Variants in SLC10A7 observed in about 807,000 individuals in gnomAD.
The protein encoded by SLC10A7 is solute carrier family 10 member 7, also known as sodium/bile acid cotransporter 7.
In SLC10A7, 29 loss-of-function variants were observed where a neutral mutation model predicts 43.2. The observed-to-expected ratio is 0.67, with a 90% CI of 0.50 to 0.92. SLC10A7 has a LOEUF of 0.92. Ranked by LOEUF, SLC10A7 falls within the 40% of genes least tolerant of loss-of-function variation. The pLI, the probability that SLC10A7 is intolerant of heterozygous loss-of-function variation, is 0.00. For missense variants in SLC10A7, 295 were observed against 403.2 expected (o/e 0.73, Z 2.30); for synonymous variants, 152 against 144.8 (o/e 1.05, Z -0.35).
chr4:146,279,595 A>T, intron 10 of SLC10A7, among the ~76,000 whole-genome samples: 1 of 152,196 alleles, frequency 6.6e-6, no homozygotes, highest in East Asian at 1.9e-4. Flanking sequence ...GTCTTGACAA[A>T]ATATAAAATT....
At chr4:146,288,857 A>G (rs577587163) in intron 9 of SLC10A7, among the ~76,000 whole-genome samples, 158 of 152,184 alleles carry the variant, frequency 1.0e-3, no homozygotes, top group Admixed American at 3.6e-3. Flanking sequence ...CTCTTGAGAT[A>G]TTTATTTCCT....
chr4:146,452,552 A>T (rs1182958567), intron 4 of SLC10A7, among the ~76,000 whole-genome samples: 1 of 152,114 alleles, frequency 6.6e-6, no homozygotes, highest in East Asian at 1.9e-4. Flanking sequence ...TTCAAAGCCA[A>T]TTATGATTGA....
intron 1 of SLC10A7, among the ~76,000 whole-genome samples, chr4:146,518,243 C>T (rs912621834): frequency 1.3e-5 from 2 of 152,106 alleles, no homozygotes; most frequent in Non-Finnish European, 2.9e-5. Flanking sequence ...CATTTTATAC[C>T]TATATAGCAG....
chr4:146,497,586 C>T (rs1354822788), intron 4 of SLC10A7, among the ~76,000 whole-genome samples: 2 of 152,136 alleles, frequency 1.3e-5, no homozygotes, highest in Admixed American at 6.5e-5. Context: ...AATGGCTTTT[C>T]GCTGAATTCT....
chr4:146,509,580 T>C (rs1283134081), intron 3 of SLC10A7, among the ~76,000 whole-genome samples: 2 of 152,180 alleles, frequency 1.3e-5, no homozygotes, highest in Non-Finnish European at 2.9e-5. Flanking sequence ...TACTCAGCTA[T>C]TATCTAATTA....
At chr4:146,462,564 T>C (rs779882758) in intron 4 of SLC10A7, among the ~76,000 whole-genome samples, 1 of 152,164 alleles carries the variant, frequency 6.6e-6, no homozygotes, top group Non-Finnish European at 1.5e-5. Flanking sequence ...CTAAGATATA[T>C]ATGAATATCA....
intron 4 of SLC10A7, among the ~76,000 whole-genome samples, chr4:146,501,762 C>T (rs979131558): frequency 2.6e-5 from 4 of 152,216 alleles, no homozygotes; most frequent in African/African-American, 4.8e-5. Context: ...CAAACCTGTT[C>T]TCACATAGCA....
At chr4:146,268,736 C>A (rs137866894) in intron 10 of SLC10A7, among the ~76,000 whole-genome samples, 1,623 of 152,222 alleles carry the variant, frequency 0.011, 11 homozygotes, top group Non-Finnish European at 0.014. Context: ...TTGCTCAAAG[C>A]CACACACAGC....
At chr4:146,360,781 C>T (rs966058233) in intron 5 of SLC10A7, among the ~76,000 whole-genome samples, 8 of 152,094 alleles carry the variant, frequency 5.3e-5, no homozygotes, top group Non-Finnish European at 1.0e-4. Flanking sequence ...AATCAAGTCA[C>T]TGAAGCTTGA....
At chr4:146,356,879 C>G (rs1469308493) in intron 5 of SLC10A7, among the ~76,000 whole-genome samples, 1 of 152,118 alleles carries the variant, frequency 6.6e-6, no homozygotes, top group Non-Finnish European at 1.5e-5. Flanking sequence ...AACTCTAGTC[C>G]TATGCTTAAT....
In SLC10A7 at chr4:146,408,275, C is replaced by T. The variant is rs550787118; in HGVS notation, c.435+34508G>A. On this transcript the variant is annotated intron_variant, in intron 5 of 11. Transcript: ENST00000335472. The stretch of plus-strand genomic sequence containing the variant: ...TAAAAGACCAACAGCTAGCCAGGCA[C>T]GGTGGCTCACAGCTATGATCTTAGC... Among the ~76,000 whole-genome samples the T allele has an allele frequency of 3.9e-5, 6 of 152,162 alleles. No individual in the cohort carries two copies. In the South Asian group the frequency reaches 1.0e-3, roughly 26 times the overall value.
intron 5 of SLC10A7, among the ~76,000 whole-genome samples, chr4:146,352,957 T>C (rs1284018638): frequency 7.0e-6 from 1 of 142,746 alleles, no homozygotes; most frequent in Non-Finnish European, 1.5e-5. Flanking sequence ...ATTGACACCC[T>C]AACATCACAA....
At chr4:146,509,532 T>A (rs1737257201) in intron 3 of SLC10A7, among the ~76,000 whole-genome samples, 1 of 152,240 alleles carries the variant, frequency 6.6e-6, no homozygotes, top group Non-Finnish European at 1.5e-5. Context: ...CACATATATG[T>A]ATGTTTTCTT....
chr4:146,514,528 C>T (rs1464989381), intron 2 of SLC10A7: 1 of 152,150 alleles, frequency 6.6e-6, no homozygotes, highest in Non-Finnish European at 1.5e-5. Context: ...AGCACAGTGT[C>T]CTTTATAATT....
chr4:146,382,255 G>A (rs1737680160), intron 5 of SLC10A7, among the ~76,000 whole-genome samples: 2 of 152,084 alleles, frequency 1.3e-5, no homozygotes, highest in Non-Finnish European at 2.9e-5. Flanking sequence ...TTTAATAATT[G>A]CTTATTCTCC....
At chr4:146,279,343 A>G (rs1729400177) in intron 10 of SLC10A7, among the ~76,000 whole-genome samples, 1 of 152,220 alleles carries the variant, frequency 6.6e-6, no homozygotes, top group Admixed American at 6.6e-5. Context: ...AATACTCAAG[A>G]GAAAAAGATA....
chr4:146,521,117 C>T (rs1039452939), intron 1 of SLC10A7, among the ~76,000 whole-genome samples: 15 of 151,998 alleles, frequency 9.9e-5, no homozygotes, highest in African/African-American at 3.4e-4. Flanking sequence ...TTCTGGAGCA[C>T]CAGCAACTAC....
chr4:146,423,140 A>T (rs1486630019), intron 5 of SLC10A7, among the ~76,000 whole-genome samples: 1 of 152,198 alleles, frequency 6.6e-6, no homozygotes, highest in Non-Finnish European at 1.5e-5. Flanking sequence ...AGCAAAAATT[A>T]TATACATATT....
At position 146,254,907 on chromosome 4, in the gene SLC10A7, T is replaced by A. The variant is rs950948528; in HGVS notation, c.*1584A>T. ...GCATAGATTTTTGCAGGATCTGGCA[T>A]TAGCCTTAAAATTCACACTGAGAAT... On this transcript the variant is annotated 3_prime_UTR_variant, in exon 12 of 12. Coordinates refer to ENST00000335472, the MANE Select transcript of SLC10A7 (RefSeq NM_001029998.6). 1.3e-5 allele frequency: 2 copies of A among 152,238 alleles called. No homozygotes were observed. The highest frequency in any genetic ancestry group is 4.8e-5 in the African/African-American group (2 of 41,460). 9.4% of individuals were successfully genotyped at this position (152,238 alleles called of 1,614,324 possible). A position where few individuals can be genotyped will look rare whatever the true frequency, so the allele number is the denominator to read the frequency against.
Sources: allele counts gnomAD v4.1 joint callset (sites outside exome capture counted in the v4.1 genomes callset), GRCh38; gene constraint gnomAD v4.1.1; transcripts MANE v1.5; gene names NCBI Gene and HGNC (gene_info 2026-07-23, HGNC 2026-07-21).